ST3GAL1: variants seen among roughly 807,000 people sequenced by gnomAD.
ST3GAL1 encodes the protein ST3 beta-galactoside alpha-2,3-sialyltransferase 1.
In ST3GAL1, 16 loss-of-function variants were observed where a neutral mutation model predicts 34.1. The ratio of observed to expected loss-of-function variants is 0.47; its 90% CI spans 0.32 to 0.71. The LOEUF (loss-of-function observed/expected upper bound fraction) is 0.71. Among genes scored for constraint, ST3GAL1 ranks in the 30% least tolerant of loss-of-function variants. The pLI is 0.04. For missense variants in ST3GAL1, 353 were observed against 447.4 expected (o/e 0.79, Z 1.90); for synonymous variants, 191 against 184.7 (o/e 1.03, Z -0.28).
At chr8:133,463,773 C>T (rs1044758972) in intron 7 of ST3GAL1, among the ~76,000 whole-genome samples, 1 of 152,218 alleles carries the variant, frequency 6.6e-6, no homozygotes, top group Non-Finnish European at 1.5e-5. Context: ...GGTGCCTCCA[C>T]CTCTCAGGGC....
chr8:133,455,659 CA>C lies in ST3GAL1; in HGVS notation c.*4104del, dbSNP rs1156324454. 9 of 152,482 alleles carry C rather than the reference CA, an allele frequency of 5.9e-5. No homozygotes were observed. In the East Asian group the frequency reaches 1.7e-3, roughly 29 times the overall value. The allele number at this position is 152,482 out of a possible 1,614,324, so 9.4% of individuals were successfully genotyped here. ...ATAATGATACCCCCGGGGCTCTTCTCAGGGGTGAGGACAGGTGCTGGTTCCT... is the reference window on the plus strand; with the variant it reads ...ATAATGATACCCCCGGGGCTCTTCTCGGGGTGAGGACAGGTGCTGGTTCCT... On this transcript the variant is annotated 3_prime_UTR_variant, in exon 10 of 10. Transcript: ENST00000522652.
intron 1 of ST3GAL1, among the ~76,000 whole-genome samples, chr8:133,561,922 T>A (rs1012841304): frequency 2.0e-5 from 3 of 151,980 alleles, no homozygotes; most frequent in Admixed American, 6.6e-5. Flanking sequence ...TTGGTGAAGG[T>A]CTGGGCTTAT....
At chr8:133,568,474 G>A (rs1466427879) in intron 1 of ST3GAL1, among the ~76,000 whole-genome samples, 1 of 152,202 alleles carries the variant, frequency 6.6e-6, no homozygotes, top group Non-Finnish European at 1.5e-5. Flanking sequence ...AGAATTCTTT[G>A]TGACCGGGCC....
In ST3GAL1 at chr8:133,556,654, C is replaced by G. The variant is rs560500447; in HGVS notation, c.-581-10728G>C. On this transcript the variant is annotated intron_variant, in intron 1 of 9. Transcript: ENST00000522652. This position sits in a 1 kb window ranked among gnomAD's most constrained non-coding sequence, Gnocchi z 8.9. ...GAAAGGGAGGGAGAAAAAGAAGGAA[C>G]GAAAATGGGAAGGAAGAGAAGGGAG... is the stretch of plus-strand genomic sequence containing the variant. Among the ~76,000 whole-genome samples, 3 of 151,948 alleles carry G rather than the reference C, an allele frequency of 2.0e-5. No individual in the cohort carries two copies. The highest frequency in any genetic ancestry group is 7.3e-5 in the African/African-American group (3 of 41,324).
chr8:133,478,070 T>G (rs777959712), intron 3 of ST3GAL1, among the ~76,000 whole-genome samples: 7 of 152,196 alleles, frequency 4.6e-5, no homozygotes, highest in Non-Finnish European at 1.0e-4. Flanking sequence ...GGCAACGTCA[T>G]TTTTATCCGG....
chr8:133,466,952 G>A lies in ST3GAL1; in HGVS notation c.307-862C>T, dbSNP rs115309985. 0.05 allele frequency among the ~76,000 whole-genome samples: 7,564 copies of A among 152,106 alleles called. 219 individuals carry two copies. Among genetic ancestry groups the A allele is most frequent in the African/African-American group, 0.084 (3,490 of 41,490 alleles). ...TCTCTATTAAAAATACAAAAAAGCC[G>A]GGCATGGTGGTGCCCACCTGTAGTC... On this transcript the variant is annotated intron_variant, in intron 5 of 9. Coordinates refer to ENST00000522652, the MANE Select transcript of ST3GAL1 (RefSeq NM_173344.3). This position sits in a 1 kb window ranked among gnomAD's most constrained non-coding sequence, Gnocchi z 4.4.
chr8:133,490,894 C>T (rs1246800887), intron 3 of ST3GAL1, among the ~76,000 whole-genome samples: 1 of 152,210 alleles, frequency 6.6e-6, no homozygotes, highest in Admixed American at 6.5e-5. Flanking sequence ...ATGAGCATGA[C>T]TTGGGAAGTC....
chr8:133,467,888 G>A lies in ST3GAL1; in HGVS notation c.307-1798C>T, dbSNP rs1467585484. On this transcript the variant is annotated intron_variant, in intron 5 of 9. Transcript: ENST00000522652. The surrounding 1 kb of genome is among the most constrained non-coding windows in gnomAD (Gnocchi z 4.2). ...GCAGCCTCTCCTCTGGCTTAAGACCGTTAGACACGTCATGGGAAGCAACAT... is the reference window on the plus strand; with the variant it reads ...GCAGCCTCTCCTCTGGCTTAAGACCATTAGACACGTCATGGGAAGCAACAT... Among the ~76,000 whole-genome samples, 3 of 152,186 alleles carry A rather than the reference G, an allele frequency of 2.0e-5. No homozygotes were observed. Among genetic ancestry groups the A allele is most frequent in the Admixed American group, 1.3e-4 (2 of 15,282 alleles).
At position 133,556,545 on chromosome 8, in the gene ST3GAL1, T is replaced by C. The variant is rs1020600164; in HGVS notation, c.-581-10619A>G. On this transcript the variant is annotated intron_variant, in intron 1 of 9. Coordinates refer to ENST00000522652, the MANE Select transcript of ST3GAL1 (RefSeq NM_173344.3). The surrounding 1 kb of genome is among the most constrained non-coding windows in gnomAD (Gnocchi z 8.9). ...GAGGAATTGTGAAACATGGACCTGT[T>C]TGTCTTCTAAGCAACCTCAGCTAAT... 6.6e-6 allele frequency among the ~76,000 whole-genome samples: 1 copy of C among 152,196 alleles called. No individual in the cohort carries two copies. Among genetic ancestry groups the C allele is most frequent in the Non-Finnish European group, 1.5e-5 (1 of 68,038 alleles).
At position 133,540,894 on chromosome 8, in the gene ST3GAL1, G is replaced by GAC. The variant is rs1563734157; in HGVS notation, c.-429+4878_-429+4879dup. Among the ~76,000 whole-genome samples, 159 of 126,198 alleles carry GAC rather than the reference G, an allele frequency of 1.3e-3. 1 individual carries two copies. Among genetic ancestry groups the GAC allele is most frequent in the Non-Finnish European group, 2.1e-3 (125 of 60,960 alleles). The allele number at this position is 126,198 out of a possible 152,430, so 82.8% of individuals were successfully genotyped here. A position where few individuals can be genotyped will look rare whatever the true frequency, so the allele number is the denominator to read the frequency against. ...ACATATATATAGAGACATATATATA[G>GAC]ACATATATATAGACATATATATAGA... On this transcript the variant is annotated intron_variant, in intron 2 of 9. Coordinates refer to ENST00000522652, the MANE Select transcript of ST3GAL1 (RefSeq NM_173344.3).
intron 2 of ST3GAL1, among the ~76,000 whole-genome samples, chr8:133,531,588 T>G (rs546061543): frequency 6.6e-6 from 1 of 151,942 alleles, no homozygotes; most frequent in Admixed American, 6.6e-5. Context: ...GCAGCCTGCT[T>G]AAAAAGCCAT....
At chr8:133,544,901 C>A (rs1445254162) in intron 2 of ST3GAL1, among the ~76,000 whole-genome samples, 1 of 143,980 alleles carries the variant, frequency 6.9e-6, no homozygotes, top group African/African-American at 2.5e-5. Context: ...CAGACATCAG[C>A]CTTCCTTCTT....
At chr8:133,541,988 T>C (rs1305989474) in intron 2 of ST3GAL1, among the ~76,000 whole-genome samples, 1 of 152,210 alleles carries the variant, frequency 6.6e-6, no homozygotes, top group Non-Finnish European at 1.5e-5. Context: ...CCTATGGTGA[T>C]TTTAATAGAT....
At position 133,479,429 on chromosome 8, in the gene ST3GAL1, T is replaced by C. The variant is rs953055889; in HGVS notation, c.-373-2829A>G. 3.9e-5 allele frequency among the ~76,000 whole-genome samples: 6 copies of C among 152,136 alleles called. No individual in the cohort carries two copies. The East Asian group carries it at 7.7e-4, about 20-fold the overall frequency. ...AAGACTAAGTTTTCTCTGGGTGACA[T>C]AGAAACCTGCTGGTGGGGCTGAGCA... On this transcript the variant is annotated intron_variant, in intron 3 of 9. Transcript: ENST00000522652.
intron 1 of ST3GAL1, among the ~76,000 whole-genome samples, chr8:133,551,520 A>C (rs562755484): frequency 2.1e-4 from 30 of 143,708 alleles, no homozygotes; most frequent in African/African-American, 7.1e-4. Flanking sequence ...GACAGAAAGA[A>C]AGAAAGAGAA....
chr8:133,491,072 A>G (rs1042241486), intron 3 of ST3GAL1, among the ~76,000 whole-genome samples: 1 of 151,964 alleles, frequency 6.6e-6, no homozygotes, highest in African/African-American at 2.4e-5. Flanking sequence ...GAAGTCGGGG[A>G]AAAAAAAGAT....
intron 5 of ST3GAL1, 86 bp downstream of exon 5, chr8:133,475,633 T>A (rs1816141109): frequency 2.8e-6 from 4 of 1,419,134 alleles, no homozygotes; most frequent in Non-Finnish European, 3.7e-6. Context: ...CCCACTCTTA[T>A]CCAGATCCCC....
At chr8:133,551,706 G>C (rs760435424) in intron 1 of ST3GAL1, among the ~76,000 whole-genome samples, 2 of 152,210 alleles carry the variant, frequency 1.3e-5, no homozygotes, top group Admixed American at 6.5e-5. Flanking sequence ...GCTCTGATAA[G>C]AAGTAAGTGA....
intron 2 of ST3GAL1, among the ~76,000 whole-genome samples, chr8:133,532,515 A>G (rs1818186563): frequency 6.6e-6 from 1 of 152,226 alleles, no homozygotes; most frequent in Non-Finnish European, 1.5e-5. Context: ...TGATTTTTCA[A>G]ATGAAGTACT....
Sources: allele counts gnomAD v4.1 joint callset (sites outside exome capture counted in the v4.1 genomes callset), GRCh38; gene constraint gnomAD v4.1.1; non-coding constraint Gnocchi (gnomAD v3.1); transcripts MANE v1.5; gene names NCBI Gene and HGNC (gene_info 2026-07-23, HGNC 2026-07-21).